The following BMERB1 variants were observed in gnomAD, a reference collection of about 807,000 sequenced individuals.
BMERB1 encodes the protein bMERB domain-containing protein 1.
In BMERB1, 12 loss-of-function variants were observed where a neutral mutation model predicts 23.6. The ratio of observed to expected loss-of-function variants is 0.51; its 90% CI spans 0.33 to 0.82. BMERB1 has a LOEUF of 0.82. BMERB1 is among the 40% of genes least tolerant of loss of function. The pLI, the probability that BMERB1 is intolerant of heterozygous loss-of-function variation, is 0.03. For synonymous variants in BMERB1, 122 were observed against 96.6 expected (o/e 1.26, Z -1.54); for missense variants, 247 against 255.4 (o/e 0.97, Z 0.22).
intron 2 of BMERB1, among the ~76,000 whole-genome samples, chr16:15,551,103 A>G (rs2030077548): frequency 6.6e-6 from 1 of 152,250 alleles, no homozygotes; most frequent in South Asian, 2.1e-4. Context: ...GCAAAGCAGT[A>G]TCACTCGAAT....
At chr16:15,568,112 G>C in intron 3 of BMERB1, 56 bp downstream of exon 3, 1 of 1,495,994 alleles carries the variant, frequency 6.7e-7, no homozygotes, top group South Asian at 1.1e-5. Flanking sequence ...CCCCCAGCCT[G>C]GCCCATCTGT....
At chr16:15,580,872 CT>C in intron 3 of BMERB1, among the ~76,000 whole-genome samples, 1 of 151,654 alleles carries the variant, frequency 6.6e-6, no homozygotes, top group South Asian at 2.1e-4. Context: ...TGGTCACCCT[CT>C]CATCTGTCTC....
rs145892599 is a variant in BMERB1 at position 15,519,074 on chromosome 16, T to TACACACACACACACAC, written c.230+3665_230+3680dup. 1.2e-3 allele frequency among the ~76,000 whole-genome samples: 166 copies of TACACACACACACACAC among 140,602 alleles called. 1 individual carries two copies. The highest frequency in any genetic ancestry group is 7.3e-3 in the East Asian group (35 of 4,806). The allele number at this position is 140,602 out of a possible 152,430, so 92.2% of individuals were successfully genotyped here. A position where few individuals can be genotyped will look rare whatever the true frequency, so the allele number is the denominator to read the frequency against. On this transcript the variant is annotated intron_variant, in intron 2 of 5. Transcript: ENST00000300006. ...TCCATCCTTACCCCAACAATCCTCT[T>TACACACACACACACAC]ACACACACACACACACACACACACA...
chr16:15,517,910 TATGTGTGTGTGAGG>T (rs2051789881), intron 2 of BMERB1, among the ~76,000 whole-genome samples: 1 of 142,144 alleles, frequency 7.0e-6, no homozygotes, highest in African/African-American at 2.8e-5. Flanking sequence ...TGTGTGTGTG[TATGTGTGTGTGAGG>T]ATGTGTGTGT....
chr16:15,534,195 G>A lies in BMERB1; in HGVS notation c.230+18767G>A, dbSNP rs533004086. Among the ~76,000 whole-genome samples the A allele has an allele frequency of 2.8e-5, 4 of 143,252 alleles. No homozygotes were observed. The South Asian group carries it at 8.7e-4, about 31-fold the overall frequency. The allele number at this position is 143,252 out of a possible 152,430, so 94.0% of individuals were successfully genotyped here. A position where few individuals can be genotyped will look rare whatever the true frequency, so the allele number is the denominator to read the frequency against. ...TTAAAAACCATGACCAGTGACAATCGTCTCCTGGCTCACCATGTAACTGTC... is the reference window on the plus strand; with the variant it reads ...TTAAAAACCATGACCAGTGACAATCATCTCCTGGCTCACCATGTAACTGTC... On this transcript the variant is annotated intron_variant, in intron 2 of 5. Transcript: ENST00000300006.
intron 1 of BMERB1, among the ~76,000 whole-genome samples, chr16:15,488,759 C>T (rs2150938204): frequency 6.7e-6 from 1 of 148,790 alleles, no homozygotes; most frequent in East Asian, 2.0e-4. Flanking sequence ...AGGAGAATGG[C>T]GTGAACCGAG....
At chr16:15,527,966 T>A (rs1475224612) in intron 2 of BMERB1, among the ~76,000 whole-genome samples, 1 of 152,162 alleles carries the variant, frequency 6.6e-6, no homozygotes, top group Non-Finnish European at 1.5e-5. Context: ...TGCTCAGCTG[T>A]CCATCTTTCT....
chr16:15,509,652 C>G (rs1018478386), intron 1 of BMERB1, among the ~76,000 whole-genome samples: 4 of 152,150 alleles, frequency 2.6e-5, no homozygotes, highest in African/African-American at 9.7e-5. Flanking sequence ...ATGCACTTCC[C>G]TCACCCCCTG....
intron 2 of BMERB1, among the ~76,000 whole-genome samples, chr16:15,519,415 G>A (rs1395621668): frequency 1.3e-5 from 2 of 152,080 alleles, no homozygotes; most frequent in African/African-American, 4.8e-5. Context: ...TCTTGTGACA[G>A]AGTCTCGCTC....
chr16:15,548,123 T>C (rs1349786255), intron 2 of BMERB1, among the ~76,000 whole-genome samples: 1 of 152,128 alleles, frequency 6.6e-6, no homozygotes, highest in Non-Finnish European at 1.5e-5. Flanking sequence ...TAGCTGGGAT[T>C]ACAGCTGTGC....
chr16:15,504,941 A>AC (rs1353625421), intron 1 of BMERB1, among the ~76,000 whole-genome samples: 2 of 151,408 alleles, frequency 1.3e-5, no homozygotes, highest in Admixed American at 1.3e-4. Context: ...AATGAATAGC[A>AC]CCCCCACCCC....
At chr16:15,457,725 A>G (rs1239169685) in intron 1 of BMERB1, among the ~76,000 whole-genome samples, 1 of 152,126 alleles carries the variant, frequency 6.6e-6, no homozygotes, top group African/African-American at 2.4e-5. Flanking sequence ...TGACCAGCTG[A>G]CTTCTACTCA....
At chr16:15,507,363 G>A (rs1357472227) in intron 1 of BMERB1, among the ~76,000 whole-genome samples, 1 of 152,136 alleles carries the variant, frequency 6.6e-6, no homozygotes, top group African/African-American at 2.4e-5. Context: ...CTTGTTTGCT[G>A]GTGCCACCGC....
At chr16:15,534,758 A>G (rs935740256) in intron 2 of BMERB1, among the ~76,000 whole-genome samples, 3 of 151,764 alleles carry the variant, frequency 2.0e-5, no homozygotes, top group Non-Finnish European at 4.4e-5. Context: ...CTTCTCCTTT[A>G]TCTCAGCTCC....
chr16:15,583,569 C>A (rs907334431), intron 5 of BMERB1, among the ~76,000 whole-genome samples: 25 of 114,786 alleles, frequency 2.2e-4, no homozygotes, highest in African/African-American at 9.1e-4. Flanking sequence ...CAGGGTAAGA[C>A]TTTGTCTCAA....
intron 1 of BMERB1, among the ~76,000 whole-genome samples, chr16:15,478,889 T>TG (rs2051295621): frequency 6.6e-6 from 1 of 152,202 alleles, no homozygotes; most frequent in Non-Finnish European, 1.5e-5. Flanking sequence ...GATGATGGAA[T>TG]GGGAAATACA....
chr16:15,484,304 C>T (rs747196499), intron 1 of BMERB1, among the ~76,000 whole-genome samples: 3 of 152,142 alleles, frequency 2.0e-5, no homozygotes, highest in Non-Finnish European at 4.4e-5. Context: ...GAAAGCATCT[C>T]CCCCTTCTCC....
chr16:15,460,879 A>G (rs2051128386), intron 1 of BMERB1, among the ~76,000 whole-genome samples: 2 of 152,166 alleles, frequency 1.3e-5, no homozygotes, highest in Admixed American at 6.5e-5. Context: ...CTGTAGTCCC[A>G]GCACTTTGAG....
chr16:15,567,994 T>C lies in BMERB1; in HGVS notation c.242T>C (p.Ile81Thr). The C allele has an allele frequency of 6.2e-7, 1 of 1,613,824 alleles. No individual in the cohort carries two copies. The highest frequency in any genetic ancestry group is 8.5e-7 in the Non-Finnish European group (1 of 1,179,798). Residue 81 changes from isoleucine to threonine, a missense_variant, in exon 3 of 6, where the codon ATC becomes ACC. Ile to Thr is a moderately conservative substitution (Grantham distance 89, BLOSUM62 -1). Transcript: ENST00000300006. ...ESELRFMMDD[I>T]QLCKDIMDLK... is the part of the protein sequence containing the mutation. The stretch of plus-strand genomic sequence containing the variant: ...TCCTGTTTCCCCAGGATGGATGACA[T>C]CCAGCTCTGCAAGGACATCATGGAC...
Sources: allele counts gnomAD v4.1 joint callset (sites outside exome capture counted in the v4.1 genomes callset), GRCh38; gene constraint gnomAD v4.1.1; transcripts MANE v1.5; gene names NCBI Gene and HGNC (gene_info 2026-07-23, HGNC 2026-07-21).